MALRD1: variants seen among roughly 807,000 people sequenced by gnomAD.
MALRD1 encodes the protein MAM and LDL receptor class A domain containing 1.
MALRD1 carries 247 observed loss-of-function variants against 242.1 expected under a neutral mutation model. The ratio of observed to expected loss-of-function variants is 1.02; its 90% CI spans 0.92 to 1.13. MALRD1 has a LOEUF of 1.13. MALRD1 is among the 50% of genes most tolerant of loss of function. The probability of loss-of-function intolerance (pLI) is 0.00; values close to 1 mark genes in which losing one functional copy is unlikely to be tolerated. For synonymous variants in MALRD1, 995 were observed against 866.6 expected (o/e 1.15, Z -2.60); for missense variants, 2,989 against 2,533.1 (o/e 1.18, Z -3.86).
At position 19,280,071 on chromosome 10, in the gene MALRD1, C is replaced by G. The variant is rs554611192; in HGVS notation, c.3104C>G (p.Thr1035Ser). The G allele has an allele frequency of 1.8e-5, 28 of 1,516,448 alleles. No individual in the cohort carries two copies. Among genetic ancestry groups the G allele is most frequent in the Non-Finnish European group, 2.5e-5 (28 of 1,134,860 alleles). The allele number at this position is 1,516,448 out of a possible 1,614,324, so 93.9% of individuals were successfully genotyped here. A position where few individuals can be genotyped will look rare whatever the true frequency, so the allele number is the denominator to read the frequency against. Reference sequence around the variant, plus strand: ...GGTAATTTGCCAGCAGACCTCCCAACTCCACCAGAAACGTCAGTTCCTGTA... The same window carrying G: ...GGTAATTTGCCAGCAGACCTCCCAAGTCCACCAGAAACGTCAGTTCCTGTA... ...YPGNLPADLP[T>S]PPETSVPVTL... Residue 1035 changes from threonine to serine, a missense_variant, in exon 20 of 40, where the codon ACT becomes AGT. Coordinates refer to ENST00000454679, the MANE Select transcript of MALRD1 (RefSeq NM_001142308.3).
intron 35 of MALRD1, among the ~76,000 whole-genome samples, chr10:19,611,797 A>C (rs558322618): frequency 6.6e-6 from 1 of 152,028 alleles, no homozygotes; most frequent in African/African-American, 2.4e-5. Context: ...ATTATGGATA[A>C]AGAACCTGGG....
At chr10:19,446,976 CAT>C (rs1491483593) in intron 28 of MALRD1, among the ~76,000 whole-genome samples, 3 of 151,542 alleles carry the variant, frequency 2.0e-5, no homozygotes, top group Non-Finnish European at 2.9e-5. Context: ...GAAGTAACGA[CAT>C]ATGTGGAATA....
At chr10:19,648,037 T>G (rs2131697298) in intron 36 of MALRD1, among the ~76,000 whole-genome samples, 1 of 152,096 alleles carries the variant, frequency 6.6e-6, no homozygotes, top group East Asian at 1.9e-4. Flanking sequence ...GCTACTGGAA[T>G]TTGCAAAGCA....
At chr10:19,140,664 T>C (rs2131424556) in intron 10 of MALRD1, among the ~76,000 whole-genome samples, 1 of 151,970 alleles carries the variant, frequency 6.6e-6, no homozygotes, top group East Asian at 1.9e-4. Flanking sequence ...GTGGAGGGGA[T>C]TATGCAAAGT....
At chr10:19,275,121 A>T (rs981645947) in intron 19 of MALRD1, among the ~76,000 whole-genome samples, 3 of 152,166 alleles carry the variant, frequency 2.0e-5, no homozygotes, top group African/African-American at 7.2e-5. Context: ...TAATATAAGG[A>T]TCTGAAACAA....
chr10:19,718,460 T>G (rs1371424504), intron 38 of MALRD1, among the ~76,000 whole-genome samples: 2 of 152,168 alleles, frequency 1.3e-5, no homozygotes, highest in East Asian at 3.9e-4. Flanking sequence ...CCACACACTT[T>G]TAAACAACCA....
chr10:19,272,847 C>CA (rs1228478419), intron 19 of MALRD1, among the ~76,000 whole-genome samples: 1 of 152,138 alleles, frequency 6.6e-6, no homozygotes, highest in African/African-American at 2.4e-5. Flanking sequence ...CACGTCCCTG[C>CA]AAAGGACATG....
intron 21 of MALRD1, among the ~76,000 whole-genome samples, chr10:19,315,055 ATT>A (rs1842591272): frequency 6.9e-6 from 1 of 144,024 alleles, no homozygotes; most frequent in African/African-American, 2.5e-5. Flanking sequence ...TGTAAATATA[ATT>A]TATATAAATA....
chr10:19,123,958 C>A (rs896617538), intron 6 of MALRD1, among the ~76,000 whole-genome samples: 1 of 150,594 alleles, frequency 6.6e-6, no homozygotes, highest in East Asian at 2.0e-4. Context: ...GTAATCCCAG[C>A]ACTTTGGGAG....
intron 21 of MALRD1, among the ~76,000 whole-genome samples, chr10:19,301,725 G>A (rs1017401965): frequency 3.3e-5 from 5 of 151,660 alleles, no homozygotes; most frequent in Non-Finnish European, 7.4e-5. Context: ...GGTGGAGGTG[G>A]GAGGAGGGCG....
intron 36 of MALRD1, among the ~76,000 whole-genome samples, chr10:19,649,906 G>T (rs12412182): frequency 6.6e-6 from 1 of 152,064 alleles, no homozygotes. Flanking sequence ...TTTTATATAT[G>T]GTGTGAGGAA....
chr10:19,327,493 A>C, intron 22 of MALRD1, 70 bp from the exon 23 acceptor site: 1 of 1,212,144 alleles, frequency 8.2e-7, no homozygotes, highest in Non-Finnish European at 1.2e-6. Flanking sequence ...AATCACTGGA[A>C]GAATTCTACA....
chr10:19,170,727 A>G (rs1834885742), intron 13 of MALRD1, among the ~76,000 whole-genome samples: 1 of 152,176 alleles, frequency 6.6e-6, no homozygotes, highest in African/African-American at 2.4e-5. Context: ...TAGTATAATC[A>G]TTAATGGCTC....
intron 28 of MALRD1, among the ~76,000 whole-genome samples, chr10:19,428,149 G>GA (rs1244528494): frequency 1.3e-5 from 2 of 151,772 alleles, no homozygotes; most frequent in African/African-American, 2.4e-5. Context: ...GGTGGGCAGG[G>GA]AGGCTTTGGG....
intron 33 of MALRD1, among the ~76,000 whole-genome samples, chr10:19,594,329 A>G (rs2131555800): frequency 6.6e-6 from 1 of 152,314 alleles, no homozygotes; most frequent in East Asian, 1.9e-4. Context: ...TTAAAAAGTC[A>G]GAAAACAGTA....
At chr10:19,380,805 C>T (rs1845803108) in intron 26 of MALRD1, among the ~76,000 whole-genome samples, 1 of 152,000 alleles carries the variant, frequency 6.6e-6, no homozygotes, top group South Asian at 2.1e-4. Flanking sequence ...TTAATATTTA[C>T]CGTCAAGTGT....
chr10:19,349,283 G>T (rs1359606020), intron 25 of MALRD1, among the ~76,000 whole-genome samples: 1 of 152,154 alleles, frequency 6.6e-6, no homozygotes, highest in Admixed American at 6.6e-5. Context: ...CTCTGTGCCT[G>T]TGTCCACAAC....
chr10:19,065,023 C>T (rs1311610295), intron 1 of MALRD1, among the ~76,000 whole-genome samples: 2 of 151,966 alleles, frequency 1.3e-5, no homozygotes, highest in Non-Finnish European at 2.9e-5. Context: ...TGCGGTTGCT[C>T]ATGCCTGTAA....
Position 19,295,151 on chromosome 10 carries a change from T to C in MALRD1, c.3419+11970T>C, listed in dbSNP as rs188254590. ...TATAGCTTTGCCACATGTCACATCA[T>C]GTACTGAAAGGAAAATGAAACCATA... is the stretch of plus-strand genomic sequence containing the variant. On this transcript the variant is annotated intron_variant, in intron 21 of 39. Transcript: ENST00000454679. Among the ~76,000 whole-genome samples, 433 of 152,200 alleles carry C rather than the reference T, an allele frequency of 2.8e-3. 1 individual carries two copies. The highest frequency in any genetic ancestry group is 9.8e-3 in the African/African-American group (409 of 41,568).
Sources: gnomAD v4.1 joint callset for allele counts (sites outside exome capture counted in the v4.1 genomes callset) on GRCh38, gnomAD v4.1.1 for gene constraint, MANE v1.5 for transcripts, NCBI Gene and HGNC (gene_info 2026-07-23, HGNC 2026-07-21) for gene names.